Variants in DAB1 observed in about 807,000 individuals in gnomAD.
DAB1 encodes disabled homolog 1.
Under a neutral mutation model 64.6 loss-of-function variants are expected in DAB1, and 15 were observed. The observed-to-expected ratio is 0.23, with a 90% confidence interval of 0.16 to 0.36. DAB1 has a LOEUF of 0.36. Among genes scored for constraint, DAB1 ranks in the 10% least tolerant of loss-of-function variants. The pLI is 1.00. For synonymous variants in DAB1, 235 were observed against 251.9 expected (o/e 0.93, Z 0.64); for missense variants, 596 against 706.7 (o/e 0.84, Z 1.78).
At chr1:57,924,810 T>G (rs1644856807) in intron 5 of DAB1, among the ~76,000 whole-genome samples, 1 of 151,966 alleles carries the variant, frequency 6.6e-6, no homozygotes, top group African/African-American at 2.4e-5. Context: ...CTGATGGATA[T>G]TAATAATTGA....
intron 3 of DAB1, among the ~76,000 whole-genome samples, chr1:58,478,810 A>G (rs1470685404): frequency 6.6e-6 from 1 of 151,754 alleles, no homozygotes; most frequent in Non-Finnish European, 1.5e-5. Context: ...TCATGCTCCT[A>G]ACAACTAAGT....
intron 3 of DAB1, among the ~76,000 whole-genome samples, chr1:58,396,644 G>A (rs1476336190): frequency 1.3e-5 from 2 of 152,080 alleles, no homozygotes; most frequent in Non-Finnish European, 2.9e-5. Flanking sequence ...GACTCATGGC[G>A]ACAGAGAGAA....
chr1:57,827,103 A>G (rs2101900582), intron 1 of DAB1, among the ~76,000 whole-genome samples: 1 of 152,336 alleles, frequency 6.6e-6, no homozygotes, highest in Non-Finnish European at 1.5e-5. Flanking sequence ...GATGAGCTAA[A>G]TCTTAGATAA....
Position 57,072,403 on chromosome 1 carries a change from A to C in DAB1, c.318T>G (p.His106Gln), listed in dbSNP as rs190682807. Residue 106 changes from histidine (H) to glutamine (Q), a missense_variant, in exon 5 of 15, where the codon CAT (histidine) becomes CAG (glutamine). Around this residue, in one of 3 missense-constraint regions of DAB1, gnomAD observed 176 missense variants for 266.7 expected, o/e 0.66. Coordinates refer to ENST00000371236, the MANE Select transcript of DAB1 (RefSeq NM_001365792.1). ...IFDEKTGALQ[H>Q]HHAVHEISYI... is the part of the protein sequence containing the mutation. ...AGGATATTTCATGAACAGCATGATG[A>C]TGCTGAAGGGCCTATCAGAGAAAAA... 98 of 1,613,338 alleles carry C rather than the reference A, an allele frequency of 6.1e-5. 2 individuals are homozygous for C. In the East Asian group the frequency reaches 8.5e-4, roughly 14 times the overall value.
intron 7 of DAB1, among the ~76,000 whole-genome samples, chr1:57,436,237 G>A (rs532060254): frequency 9.9e-5 from 15 of 152,016 alleles, no homozygotes; most frequent in Admixed American, 4.6e-4. Context: ...TTTATACGAC[G>A]GACAGCTAGC....
intron 6 of DAB1, among the ~76,000 whole-genome samples, chr1:57,771,062 A>C (rs1190816581): frequency 1.3e-5 from 2 of 152,172 alleles, no homozygotes; most frequent in Non-Finnish European, 2.9e-5. Flanking sequence ...GAAGCACAAG[A>C]CGTAAGCTCC....
At chr1:57,967,094 A>G (rs1344555120) in intron 5 of DAB1, among the ~76,000 whole-genome samples, 1 of 152,196 alleles carries the variant, frequency 6.6e-6, no homozygotes, top group Non-Finnish European at 1.5e-5. Flanking sequence ...GAGCTTTTAA[A>G]GTTTCAGCTT....
At chr1:57,536,693 A>G (rs1039919718) in intron 7 of DAB1, among the ~76,000 whole-genome samples, 4 of 120,924 alleles carry the variant, frequency 3.3e-5, no homozygotes, top group Admixed American at 9.8e-5. Flanking sequence ...TGAGACAAGG[A>G]AAAAAAAAAA....
intron 2 of DAB1, among the ~76,000 whole-genome samples, chr1:57,230,682 C>T (rs202030139): frequency 4.6e-5 from 7 of 151,636 alleles, no homozygotes; most frequent in East Asian, 1.9e-4. Context: ...TATTTTGACA[C>T]ATATATATAA....
chr1:58,030,520 C>T (rs1408126850), intron 5 of DAB1, among the ~76,000 whole-genome samples: 1 of 152,158 alleles, frequency 6.6e-6, no homozygotes, highest in Non-Finnish European at 1.5e-5. Context: ...GTTCATCTAA[C>T]CGGTCACTGA....
intron 2 of DAB1, among the ~76,000 whole-genome samples, chr1:57,197,154 G>T (rs940791509): frequency 6.6e-6 from 1 of 152,014 alleles, no homozygotes; most frequent in Non-Finnish European, 1.5e-5. Flanking sequence ...TGGCCAACAT[G>T]GTGAAACCCC....
At chr1:57,051,404 T>C (rs1488164072) in intron 9 of DAB1, among the ~76,000 whole-genome samples, 4 of 152,222 alleles carry the variant, frequency 2.6e-5, no homozygotes, top group African/African-American at 9.6e-5. Context: ...AAACCAACTG[T>C]TCAATTGTGA....
At chr1:57,083,745 G>C (rs1399380273) in intron 4 of DAB1, among the ~76,000 whole-genome samples, 2 of 152,164 alleles carry the variant, frequency 1.3e-5, no homozygotes, top group Non-Finnish European at 2.9e-5. Context: ...AAAATGAGGT[G>C]GATAGCAGGT....
intron 7 of DAB1, among the ~76,000 whole-genome samples, chr1:57,623,631 G>GC (rs1245561313): frequency 5.9e-5 from 9 of 152,140 alleles, no homozygotes. Context: ...CCCCCACTAG[G>GC]CTGGGGTAAG....
chr1:57,491,397 T>C (rs918520683), intron 7 of DAB1, among the ~76,000 whole-genome samples: 5 of 152,136 alleles, frequency 3.3e-5, no homozygotes, highest in Admixed American at 1.3e-4. Flanking sequence ...CACTGCACTC[T>C]AGCCTGGGTG....
intron 14 of DAB1, among the ~76,000 whole-genome samples, chr1:57,004,212 C>T (rs1240878538): frequency 6.6e-6 from 1 of 152,186 alleles, no homozygotes; most frequent in Non-Finnish European, 1.5e-5. Context: ...GGTTTCCTTG[C>T]TTTCTTCTCC....
At chr1:57,720,825 T>A (rs993733396) in intron 6 of DAB1, among the ~76,000 whole-genome samples, 2 of 152,194 alleles carry the variant, frequency 1.3e-5, no homozygotes, top group Non-Finnish European at 2.9e-5. Context: ...GTCTGGTTTG[T>A]CTATAGAGGT....
At chr1:58,534,831 G>A (rs1646491997) in intron 1 of DAB1, among the ~76,000 whole-genome samples, 1 of 152,204 alleles carries the variant, frequency 6.6e-6, no homozygotes, top group Non-Finnish European at 1.5e-5. Flanking sequence ...AGCTACATGG[G>A]AGGCTGAAGT....
intron 3 of DAB1, among the ~76,000 whole-genome samples, chr1:58,411,256 AG>A (rs1644664892): frequency 6.6e-6 from 1 of 152,232 alleles, no homozygotes; most frequent in South Asian, 2.1e-4. Context: ...AGTAGTTAAG[AG>A]AAAGTTCTAA....
Sources: gnomAD v4.1 joint callset for allele counts (sites outside exome capture counted in the v4.1 genomes callset) on GRCh38, gnomAD v4.1.1 for gene constraint, gnomAD v4.1.1 regional missense constraint, MANE v1.5 for transcripts, NCBI Gene and HGNC (gene_info 2026-07-23, HGNC 2026-07-21) for gene names.